SPATA18: variants seen among roughly 807,000 people sequenced by gnomAD.
SPATA18 encodes the protein mitochondria-eating protein.
SPATA18 carries 54 observed loss-of-function variants against 68.1 expected under a neutral mutation model. That is an observed-to-expected ratio of 0.79 (90% CI 0.64 to 0.99). SPATA18 has a LOEUF of 0.99. Ranked by LOEUF, SPATA18 falls within the 50% of genes least tolerant of loss-of-function variation. SPATA18 has a pLI of 0.00. For missense variants in SPATA18, 724 were observed against 681.1 expected (o/e 1.06, Z -0.70); for synonymous variants, 242 against 244.8 (o/e 0.99, Z 0.11).
chr4:52,091,539 A>G (rs905096942), intron 11 of SPATA18, among the ~76,000 whole-genome samples: 1 of 152,168 alleles, frequency 6.6e-6, no homozygotes, highest in Admixed American at 6.5e-5. Flanking sequence ...CTCTGCTGTC[A>G]GCCTGCTGGA....
intron 11 of SPATA18, among the ~76,000 whole-genome samples, chr4:52,092,536 C>T (rs1169188521): frequency 6.6e-6 from 1 of 152,206 alleles, no homozygotes; most frequent in African/African-American, 2.4e-5. Context: ...CCATGGGCTA[C>T]ACCCTCTGTC....
chr4:52,073,693 C>A (rs1483435284), intron 6 of SPATA18, among the ~76,000 whole-genome samples: 7 of 152,152 alleles, frequency 4.6e-5, no homozygotes, highest in African/African-American at 7.2e-5. Flanking sequence ...AACTCTTTAG[C>A]CCAGGTGTTT....
At chr4:52,077,553 ATTTG>A (rs1243929618) in intron 7 of SPATA18, among the ~76,000 whole-genome samples, 1 of 152,068 alleles carries the variant, frequency 6.6e-6, no homozygotes, top group Non-Finnish European at 1.5e-5. Context: ...TTGACCAGGC[ATTTG>A]TTTAAGAAGT....
intron 11 of SPATA18, among the ~76,000 whole-genome samples, chr4:52,090,187 A>G (rs1006828848): frequency 1.3e-5 from 2 of 152,148 alleles, no homozygotes; most frequent in South Asian, 2.1e-4. Flanking sequence ...TGCACGTGAG[A>G]TCAGTTTCCT....
At position 52,083,250 on chromosome 4, in the gene SPATA18, C is replaced by A. The variant is rs532508399; in HGVS notation, c.1479+740C>A. The A allele has an allele frequency of 5.1e-6, 5 of 985,146 alleles. No homozygotes were observed. The African/African-American group carries it at 8.7e-5, about 17-fold the overall frequency. The allele number at this position is 985,146 out of a possible 1,614,324, so 61.0% of individuals were successfully genotyped here. On this transcript the variant is annotated intron_variant, in intron 10 of 12. Transcript: ENST00000295213. ...TTCCTAGAAAGAGTTAAATGAAGCC[C>A]CTTAGTCCAGGATGATGCCCACAGC...
chr4:52,075,017 G>A (rs1467155231), intron 6 of SPATA18, among the ~76,000 whole-genome samples: 2 of 152,170 alleles, frequency 1.3e-5, no homozygotes, highest in Non-Finnish European at 2.9e-5. Context: ...TAAAGTTAGA[G>A]TTGCATGTCC....
intron 1 of SPATA18, among the ~76,000 whole-genome samples, chr4:52,059,261 G>A (rs974624957): frequency 6.6e-6 from 1 of 152,170 alleles, no homozygotes; most frequent in Non-Finnish European, 1.5e-5. Context: ...TGCCTTGTAC[G>A]CTGTTTTCTG....
At chr4:52,070,427 A>G (rs945705248) in intron 5 of SPATA18, among the ~76,000 whole-genome samples, 1 of 152,078 alleles carries the variant, frequency 6.6e-6, no homozygotes, top group Non-Finnish European at 1.5e-5. Context: ...ATATCAGTTG[A>G]ACTGTCAGAT....
At chr4:52,064,789 A>G (rs965263255) in intron 4 of SPATA18, among the ~76,000 whole-genome samples, 2 of 152,184 alleles carry the variant, frequency 1.3e-5, no homozygotes, top group Non-Finnish European at 2.9e-5. Flanking sequence ...TTGGGCAGGT[A>G]TGCAGTAGTG....
intron 1 of SPATA18, among the ~76,000 whole-genome samples, chr4:52,053,749 G>A (rs749979057): frequency 2.3e-4 from 35 of 151,976 alleles, no homozygotes; most frequent in Admixed American, 5.2e-4. Flanking sequence ...AAGTTCATAC[G>A]GAATCTAAAC....
At chr4:52,057,270 T>C (rs1309935223) in intron 1 of SPATA18, among the ~76,000 whole-genome samples, 1 of 152,120 alleles carries the variant, frequency 6.6e-6, no homozygotes, top group Non-Finnish European at 1.5e-5. Context: ...AATGAATAAA[T>C]CTGGAGAGTC....
At chr4:52,053,962 G>T (rs1387652639) in intron 1 of SPATA18, among the ~76,000 whole-genome samples, 1 of 152,186 alleles carries the variant, frequency 6.6e-6, no homozygotes, top group Non-Finnish European at 1.5e-5. Flanking sequence ...CTACACAATT[G>T]TGCCCCTTTA....
At chr4:52,093,794 CATT>C (rs906347987) in intron 11 of SPATA18, among the ~76,000 whole-genome samples, 9 of 152,142 alleles carry the variant, frequency 5.9e-5, no homozygotes, top group Non-Finnish European at 1.3e-4. Flanking sequence ...AGAAAGAACA[CATT>C]AATTTAAACT....
intron 6 of SPATA18, among the ~76,000 whole-genome samples, chr4:52,076,258 A>G (rs989391828): frequency 3.9e-5 from 6 of 152,184 alleles, no homozygotes; most frequent in Non-Finnish European, 7.3e-5. Flanking sequence ...CAAAAGGGTC[A>G]TCTAAGACAC....
intron 12 of SPATA18, 53 bp from the exon 13 acceptor site, chr4:52,094,827 A>C: frequency 6.2e-7 from 1 of 1,611,746 alleles, no homozygotes; most frequent in Non-Finnish European, 8.5e-7. Flanking sequence ...GTGCTTCCAA[A>C]AGAAAATCGA....
At chr4:52,055,946 T>C (rs932851428) in intron 1 of SPATA18, among the ~76,000 whole-genome samples, 4 of 152,248 alleles carry the variant, frequency 2.6e-5, no homozygotes, top group Admixed American at 2.6e-4. Context: ...ATAAAATTTC[T>C]TGAGAGTATA....
chr4:52,078,746 T>C lies in SPATA18; in HGVS notation c.1032T>C (p.His344=). ...IIYIATVEAF[H]VAKMAFRHFK... The stretch of plus-strand genomic sequence containing the variant: ...ATTTTTATGTGCAGGAGGCATTCCA[T>C]GTAGCAAAAATGGCATTCAGACACT... Residue 344 remains histidine, a synonymous_variant, in exon 8 of 13, where the codon CAT becomes CAC. Transcript: ENST00000295213. The C allele has an allele frequency of 1.3e-6, 2 of 1,579,860 alleles. No homozygotes were observed. Among genetic ancestry groups the C allele is most frequent in the South Asian group, 1.1e-5 (1 of 88,366 alleles).
At chr4:52,092,874 CT>C (rs1220404577) in intron 11 of SPATA18, among the ~76,000 whole-genome samples, 2 of 152,178 alleles carry the variant, frequency 1.3e-5, no homozygotes, top group Non-Finnish European at 2.9e-5. Context: ...AGGTCATTAT[CT>C]TTAGCAAACT....
At chr4:52,088,725 A>C (rs942039765) in intron 11 of SPATA18, among the ~76,000 whole-genome samples, 3 of 152,092 alleles carry the variant, frequency 2.0e-5, no homozygotes, top group Non-Finnish European at 4.4e-5. Flanking sequence ...TTCATCAGGG[A>C]TATTGGCCTG....
Sources: allele counts gnomAD v4.1 joint callset (sites outside exome capture counted in the v4.1 genomes callset), GRCh38; gene constraint gnomAD v4.1.1; transcripts MANE v1.5; gene names NCBI Gene and HGNC (gene_info 2026-07-23, HGNC 2026-07-21).